Variants in ELMO1 observed in about 807,000 individuals in gnomAD.
ELMO1 encodes the protein engulfment and cell motility protein 1.
Under a neutral mutation model 98.9 loss-of-function variants are expected in ELMO1, and 26 were observed. The observed-to-expected ratio is 0.26, with a 90% CI of 0.19 to 0.36. ELMO1 has a LOEUF of 0.36. ELMO1 is among the 10% of genes least tolerant of loss of function. The pLI is 1.00. For synonymous variants in ELMO1, 346 were observed against 346.0 expected, an observed-to-expected ratio of 1.00 and a Z score of 0.00; for missense variants, 627 against 935.2, an observed-to-expected ratio of 0.67 and a Z score of 4.30.
chr7:37,194,289 T>A lies in ELMO1; in HGVS notation c.1086+17097A>T, dbSNP rs140108434. 1.2e-4 allele frequency among the ~76,000 whole-genome samples: 19 copies of A among 152,300 alleles called. 1 individual carries two copies. The highest frequency in any genetic ancestry group is 4.1e-4 in the African/African-American group (17 of 41,566). ...TAATTCAAATGTCCTTTATCCTAAA[T>A]GGAACAAACCAGCCCCTTCCCAAAG... On this transcript the variant is annotated intron_variant, in intron 13 of 21. Transcript: ENST00000310758.
intron 2 of ELMO1, among the ~76,000 whole-genome samples, chr7:37,318,742 T>C (rs1799335827): frequency 6.6e-6 from 1 of 152,334 alleles, no homozygotes; most frequent in African/African-American, 2.4e-5. Context: ...GAGTGTTACA[T>C]AATGGTGGGC....
chr7:37,171,624 C>T (rs567753934), intron 13 of ELMO1, among the ~76,000 whole-genome samples: 27 of 150,620 alleles, frequency 1.8e-4, no homozygotes, highest in African/African-American at 6.1e-4. Context: ...TCCCGAGTAG[C>T]TGGGTCTACA....
At chr7:37,263,385 T>C (rs1437604315) in intron 5 of ELMO1, among the ~76,000 whole-genome samples, 1 of 152,180 alleles carries the variant, frequency 6.6e-6, no homozygotes, top group Non-Finnish European at 1.5e-5. Flanking sequence ...TCTGAAAAGC[T>C]TGACATTTGT....
At chr7:37,192,988 T>G (rs868200621) in intron 13 of ELMO1, among the ~76,000 whole-genome samples, 22 of 65,962 alleles carry the variant, frequency 3.3e-4, no homozygotes, top group Middle Eastern at 6.0e-3. Flanking sequence ...TATATATATA[T>G]ATATATATAT....
chr7:37,352,238 T>C (rs888303632), intron 1 of ELMO1, among the ~76,000 whole-genome samples: 1 of 152,194 alleles, frequency 6.6e-6, no homozygotes, highest in African/African-American at 2.4e-5. Context: ...AATCTACATG[T>C]CTGATTTGAT....
chr7:37,220,329 G>C (rs1334030169), intron 10 of ELMO1, among the ~76,000 whole-genome samples: 1 of 152,054 alleles, frequency 6.6e-6, no homozygotes, highest in Admixed American at 6.5e-5. Context: ...ATACCTTGTA[G>C]GTATTTTTTA....
At chr7:37,157,399 T>C (rs962561925) in intron 13 of ELMO1, among the ~76,000 whole-genome samples, 1 of 152,172 alleles carries the variant, frequency 6.6e-6, no homozygotes, top group African/African-American at 2.4e-5. Context: ...GATGACATGA[T>C]TGTATATCTA....
chr7:37,325,034 TAG>T (rs1799725128), intron 2 of ELMO1, among the ~76,000 whole-genome samples: 1 of 152,212 alleles, frequency 6.6e-6, no homozygotes, highest in Non-Finnish European at 1.5e-5. Flanking sequence ...TGGTACATAG[TAG>T]GGCATTACAT....
chr7:37,178,621 G>GA (rs11402394), intron 13 of ELMO1, among the ~76,000 whole-genome samples: 119,276 of 151,388 alleles, frequency 0.79, 48,415 homozygotes, highest in Non-Finnish European at 0.89. Context: ...TTTTTAATTA[G>GA]AAAAAAAACA....
At chr7:37,171,134 T>C (rs1041925653) in intron 13 of ELMO1, among the ~76,000 whole-genome samples, 3 of 152,186 alleles carry the variant, frequency 2.0e-5, no homozygotes, top group Admixed American at 2.0e-4. Flanking sequence ...TGTATTTTTC[T>C]TGTATTTTTT....
intron 14 of ELMO1, among the ~76,000 whole-genome samples, chr7:37,124,454 A>G (rs1034542530): frequency 6.6e-6 from 1 of 152,246 alleles, no homozygotes; most frequent in Non-Finnish European, 1.5e-5. Flanking sequence ...ATACAAAATC[A>G]ATGTGCAAAA....
chr7:37,233,254 G>C, intron 7 of ELMO1, 60 bp from the exon 8 acceptor site: 1 of 1,463,786 alleles, frequency 6.8e-7, no homozygotes. Flanking sequence ...AGACACAGAA[G>C]CAAGAAAGTT....
At chr7:37,101,131 T>C (rs930697597) in intron 14 of ELMO1, among the ~76,000 whole-genome samples, 3 of 152,242 alleles carry the variant, frequency 2.0e-5, no homozygotes, top group African/African-American at 7.2e-5. Context: ...GGCTCTCTGA[T>C]GACAGGCTTC....
intron 16 of ELMO1, among the ~76,000 whole-genome samples, chr7:36,977,177 T>C (rs938479057): frequency 1.3e-5 from 2 of 152,198 alleles, no homozygotes; most frequent in Non-Finnish European, 2.9e-5. Context: ...CCTTTGAGCA[T>C]AGGAGGATGT....
rs1791260904 is a variant in ELMO1 at position 36,983,691 on chromosome 7, A to C, written c.1437+29608T>G. Among the ~76,000 whole-genome samples the C allele has an allele frequency of 2.0e-5, 3 of 152,252 alleles. No individual in the cohort carries two copies. In the South Asian group the frequency reaches 6.2e-4, roughly 31 times the overall value. ...TAAAATGTATTGAGCAGTGCCTGGC[A>C]CACAGTAAATGCTCAGGACAGATTG... On this transcript the variant is annotated intron_variant, in intron 16 of 21. Transcript: ENST00000310758.
chr7:37,073,792 TG>T (rs1797412244), intron 15 of ELMO1, among the ~76,000 whole-genome samples: 1 of 151,996 alleles, frequency 6.6e-6, no homozygotes, highest in South Asian at 2.1e-4. Context: ...TTTGCTGTGT[TG>T]CCCAGACTTG....
intron 16 of ELMO1, among the ~76,000 whole-genome samples, chr7:36,990,809 TA>T (rs950582555): frequency 3.9e-5 from 6 of 152,156 alleles, no homozygotes; most frequent in Non-Finnish European, 7.4e-5. Context: ...TATTTTTGAA[TA>T]AAAAATATGG....
At chr7:37,408,802 G>T (rs951939800) in intron 1 of ELMO1, among the ~76,000 whole-genome samples, 3 of 152,186 alleles carry the variant, frequency 2.0e-5, no homozygotes, top group African/African-American at 7.2e-5. Flanking sequence ...TAGATTTCCA[G>T]TCACTCACAA....
At chr7:37,181,305 T>C (rs1043024287) in intron 13 of ELMO1, among the ~76,000 whole-genome samples, 3 of 151,988 alleles carry the variant, frequency 2.0e-5, no homozygotes, top group Non-Finnish European at 4.4e-5. Context: ...TACTCCAAGG[T>C]AGTACTCCAG....
Sources: gnomAD v4.1 joint callset for allele counts (sites outside exome capture counted in the v4.1 genomes callset) on GRCh38, gnomAD v4.1.1 for gene constraint, MANE v1.5 for transcripts, NCBI Gene and HGNC (gene_info 2026-07-23, HGNC 2026-07-21) for gene names.